SERPINE3: variants seen among roughly 807,000 people sequenced by gnomAD.
SERPINE3 encodes serpin family E member 3.
In SERPINE3, 43 loss-of-function variants were observed where a neutral mutation model predicts 41.7. That is an observed-to-expected ratio of 1.03 (90% CI 0.81 to 1.33). The LOEUF (loss-of-function observed/expected upper bound fraction) is 1.33, where lower values mean the gene tolerates loss of function less well. Ranked by LOEUF, SERPINE3 falls within the 40% of genes most tolerant of loss-of-function variation. The probability of loss-of-function intolerance (pLI) is 0.00; values close to 1 mark genes in which losing one functional copy is unlikely to be tolerated. For missense variants in SERPINE3, 440 were observed against 491.7 expected (o/e 0.89, Z 0.99); for synonymous variants, 200 against 192.2 (o/e 1.04, Z -0.34).
rs1266675851 is a variant in SERPINE3 at position 51,341,343 on chromosome 13, C to T, written c.252C>T (p.Val84=). Residue 84 remains valine (V), a synonymous_variant, in exon 3 of 10, where the codon GTC becomes GTT. Coordinates refer to ENST00000681248, the MANE Select transcript of SERPINE3 (RefSeq NM_001386375.1). ...TGGCAGATGCCCTGGGGTACACTGT[C>T]CATGGTAAGAGGCCTGCCCACGTGC... ...QQLADALGYT[V]HDKRVKDFLH... is the part of the protein sequence containing the mutation. 2 of 1,593,274 alleles carry T rather than the reference C, an allele frequency of 1.3e-6. No homozygotes were observed. Among genetic ancestry groups the T allele is most frequent in the African/African-American group, 1.3e-5 (1 of 74,574 alleles).
chr13:51,348,358 C>A lies in SERPINE3; in HGVS notation c.846C>A (p.Ile282=), dbSNP rs751295198. Residue 282 remains isoleucine, a synonymous_variant, in exon 6 of 10, where the codon ATC becomes ATA. Coordinates refer to ENST00000681248, the MANE Select transcript of SERPINE3 (RefSeq NM_001386375.1). ...AGCCACACCTCACAGCCAGCACCATCCACCTCTGGACCACCAGCCTGAGGA... is the reference window on the plus strand; with the variant it reads ...AGCCACACCTCACAGCCAGCACCATACACCTCTGGACCACCAGCCTGAGGA... ...HIEPHLTAST[I]HLWTTSLRRA... is the part of the protein sequence containing the mutation. The A allele has an allele frequency of 5.6e-6, 9 of 1,613,822 alleles. No individual in the cohort carries two copies. Among genetic ancestry groups the A allele is most frequent in the East Asian group, 4.5e-5 (2 of 44,874 alleles).
chr13:51,362,873 T>G (rs1955609561), intron 9 of SERPINE3: 1 of 152,368 alleles, frequency 6.6e-6, no homozygotes, highest in Non-Finnish European at 1.5e-5. Context: ...TAGAAAATAA[T>G]CTATTTGGGA....
chr13:51,345,592 C>CAAAAAA (rs753888958), intron 4 of SERPINE3, among the ~76,000 whole-genome samples: 12 of 37,016 alleles, frequency 3.2e-4, no homozygotes, highest in East Asian at 8.4e-4. Context: ...GATTTCATCT[C>CAAAAAA]AAAAAAAAAA....
At position 51,361,278 on chromosome 13, in the gene SERPINE3, G is replaced by C. The variant is rs1229269194; in HGVS notation, c.1001G>C (p.Gly334Ala). The C allele has an allele frequency of 6.2e-7, 1 of 1,604,190 alleles. No homozygotes were observed. The highest frequency in any genetic ancestry group is 8.5e-7 in the Non-Finnish European group (1 of 1,173,530). The change falls in exon 8 of 10, where the codon GGC becomes GCC. Residue 334 changes from glycine to alanine, a missense_variant and splice_region_variant. Physicochemically the swap from Gly to Ala is moderately conservative, Grantham distance 60. Coordinates refer to ENST00000681248, the MANE Select transcript of SERPINE3 (RefSeq NM_001386375.1). Reference protein sequence around the residue: ...PLKANLKGISGQDGFYVSEAI... With the variant: ...PLKANLKGISAQDGFYVSEAI... ...CATTTTTATCATTTTCTGTGGTTAG[G>C]CCAAGATGGCTTTTATGTTTCTGAA...
At chr13:51,359,616 A>G (rs968372099) in intron 7 of SERPINE3, among the ~76,000 whole-genome samples, 4 of 152,140 alleles carry the variant, frequency 2.6e-5, no homozygotes, top group African/African-American at 4.8e-5. Context: ...CAAGGTGCCC[A>G]GACTAATACA....
intron 7 of SERPINE3, among the ~76,000 whole-genome samples, chr13:51,359,025 CA>C (rs1023386278): frequency 1.2e-4 from 18 of 152,012 alleles, no homozygotes; most frequent in African/African-American, 3.9e-4. Flanking sequence ...CTACTGAAAA[CA>C]AAAGTGCAAA....
intron 7 of SERPINE3, among the ~76,000 whole-genome samples, chr13:51,360,357 G>A (rs887988080): frequency 1.3e-5 from 2 of 151,978 alleles, no homozygotes; most frequent in Non-Finnish European, 2.9e-5. Context: ...CTTTCAATCA[G>A]AATATTCTCA....
chr13:51,340,193 C>T (rs902625328), intron 1 of SERPINE3, among the ~76,000 whole-genome samples: 4 of 152,160 alleles, frequency 2.6e-5, no homozygotes, highest in Admixed American at 2.6e-4. Flanking sequence ...CTTCTTACAT[C>T]AGTTTGGTAT....
Position 51,347,789 on chromosome 13 carries a change from A to G in SERPINE3, c.701-424A>G, listed in dbSNP as rs543220890. ...TGTCCAGCATCCCCAGGCTGTCTAC[A>G]GTATGCCCGTTGGTCACTTAGTAGC... is the stretch of plus-strand genomic sequence containing the variant. On this transcript the variant is annotated intron_variant, in intron 5 of 9. Coordinates refer to ENST00000681248, the MANE Select transcript of SERPINE3 (RefSeq NM_001386375.1). Among the ~76,000 whole-genome samples the G allele has an allele frequency of 3.9e-5, 6 of 152,272 alleles. No homozygotes were observed. In the South Asian group the frequency reaches 1.2e-3, roughly 32 times the overall value.
chr13:51,349,337 A>G (rs1416430114), intron 6 of SERPINE3, among the ~76,000 whole-genome samples: 1 of 152,204 alleles, frequency 6.6e-6, no homozygotes, highest in Non-Finnish European at 1.5e-5. Flanking sequence ...CTAAAGTGAG[A>G]TCTGGCATAA....
At chr13:51,348,090 G>A (rs1955367490) in intron 5 of SERPINE3, 123 bp from the exon 6 acceptor site, 6 of 705,618 alleles carry the variant, frequency 8.5e-6, no homozygotes, top group African/African-American at 3.6e-5. Context: ...GCCTCCTGAG[G>A]GTGAGGTGGA....
intron 3 of SERPINE3, among the ~76,000 whole-genome samples, chr13:51,343,275 G>C (rs1955312037): frequency 6.6e-6 from 1 of 152,138 alleles, no homozygotes; most frequent in Non-Finnish European, 1.5e-5. Flanking sequence ...TGCCTAAAAG[G>C]GAGTAGAAGC....
chr13:51,362,217 G>C, intron 9 of SERPINE3: 1 of 589,230 alleles, frequency 1.7e-6, no homozygotes, highest in South Asian at 3.2e-5. Context: ...TATAAATCTT[G>C]CCCTTTTTTC....
At position 51,361,904 on chromosome 13, in the gene SERPINE3, A is replaced by G; in HGVS notation, c.1171+11A>G. 1.2e-6 allele frequency: 2 copies of G among 1,611,806 alleles called. No individual in the cohort carries two copies. Among genetic ancestry groups the G allele is most frequent in the Non-Finnish European group, 1.7e-6 (2 of 1,178,546 alleles). On this transcript the variant is annotated intron_variant, in intron 9 of 9. Coordinates refer to ENST00000681248, the MANE Select transcript of SERPINE3 (RefSeq NM_001386375.1). ...GAGAACCTAACACAGGTATTACAGT[A>G]TTTTTTGACAGGATTCAGATAATTT...
chr13:51,346,996 C>T, intron 4 of SERPINE3, 29 bp from the exon 5 acceptor site: 1 of 1,522,168 alleles, frequency 6.6e-7, no homozygotes, highest in Non-Finnish European at 8.9e-7. Context: ...CACATTTAAC[C>T]CATGGCCACC....
intron 9 of SERPINE3, 65 bp downstream of exon 9, chr13:51,361,958 A>C: frequency 6.2e-7 from 1 of 1,611,604 alleles, no homozygotes; most frequent in Non-Finnish European, 8.5e-7. Context: ...ACAAGGGCTC[A>C]TTTGTCCACT....
rs759616248 is a variant in SERPINE3 at position 51,348,324 on chromosome 13, G to A, written c.812G>A (p.Ser271Asn). Reference protein sequence around the residue: ...VLPRDKDTPLSHIEPHLTAST... With the variant: ...VLPRDKDTPLNHIEPHLTAST... ...CCCCGTGACAAAGACACCCCCCTGA[G>A]CCACATCGAGCCACACCTCACAGCC... Residue 271 changes from serine to asparagine, a missense_variant, in exon 6 of 10, where the codon AGC becomes AAC. By Grantham distance (46) the Ser-to-Asn change is conservative. Transcript: ENST00000681248. The A allele has an allele frequency of 6.2e-7, 1 of 1,613,820 alleles. No homozygotes were observed. The highest frequency in any genetic ancestry group is 1.1e-5 in the South Asian group (1 of 91,068).
At chr13:51,355,738 T>C (rs1027984563) in intron 7 of SERPINE3, among the ~76,000 whole-genome samples, 1 of 152,210 alleles carries the variant, frequency 6.6e-6, no homozygotes, top group Non-Finnish European at 1.5e-5. Flanking sequence ...TATGGTATTA[T>C]AGGAAATTTA....
chr13:51,355,385 T>C (rs1009012562), intron 7 of SERPINE3, among the ~76,000 whole-genome samples: 11 of 152,300 alleles, frequency 7.2e-5, no homozygotes, highest in African/African-American at 2.2e-4. Context: ...ATGGGGTCAA[T>C]GTCCACAGCA....
Sources: gnomAD v4.1 joint callset for allele counts (sites outside exome capture counted in the v4.1 genomes callset) on GRCh38, gnomAD v4.1.1 for gene constraint, MANE v1.5 for transcripts, NCBI Gene and HGNC (gene_info 2026-07-23, HGNC 2026-07-21) for gene names.